MSRB3: variants seen among roughly 807,000 people sequenced by gnomAD.
MSRB3 encodes the protein methionine sulfoxide reductase B3.
A neutral mutation model predicts 21.0 loss-of-function variants in MSRB3; 13 were observed. That is an observed-to-expected ratio of 0.62 (90% confidence interval 0.40 to 0.98). The LOEUF is 0.98. Ranked by LOEUF, MSRB3 falls within the 50% of genes least tolerant of loss-of-function variation. The pLI, the probability that MSRB3 is intolerant of heterozygous loss-of-function variation, is 0.00. For missense variants in MSRB3, 199 were observed against 230.3 expected (o/e 0.86, Z 0.88); for synonymous variants, 87 against 88.6 (o/e 0.98, Z 0.10).
At chr12:65,349,015 G>A (rs983384459) in intron 4 of MSRB3, among the ~76,000 whole-genome samples, 5 of 151,878 alleles carry the variant, frequency 3.3e-5, no homozygotes, top group Non-Finnish European at 5.9e-5. Flanking sequence ...CCACTAACTC[G>A]TCATCTAGCA....
intron 4 of MSRB3, among the ~76,000 whole-genome samples, chr12:65,329,170 G>T (rs1875248081): frequency 6.6e-6 from 1 of 152,182 alleles, no homozygotes; most frequent in Non-Finnish European, 1.5e-5. Flanking sequence ...AAAACAGGCA[G>T]CACACTGGAC....
At chr12:65,308,678 A>T (rs768610003) in intron 2 of MSRB3, 23 bp downstream of exon 2, 2 of 1,613,722 alleles carry the variant, frequency 1.2e-6, no homozygotes, top group Non-Finnish European at 1.7e-6. Flanking sequence ...TGTACTGTAC[A>T]TAGTGAAGGC....
chr12:65,435,054 G>A (rs984894942), intron 5 of MSRB3, among the ~76,000 whole-genome samples: 4 of 151,802 alleles, frequency 2.6e-5, no homozygotes, highest in South Asian at 2.1e-4. Context: ...TAGACTCCAC[G>A]GCACTTAATG....
intron 5 of MSRB3, among the ~76,000 whole-genome samples, chr12:65,380,879 T>A: frequency 6.6e-6 from 1 of 152,166 alleles, no homozygotes; most frequent in East Asian, 1.9e-4. Context: ...TATAAAAACC[T>A]ATAATATGAG....
chr12:65,344,304 T>C (rs1876340320), intron 4 of MSRB3: 1 of 152,016 alleles, frequency 6.6e-6, no homozygotes, highest in South Asian at 2.1e-4. Context: ...ATTGGTCATA[T>C]TCTGGGTCAG....
At chr12:65,428,770 C>T (rs1365811790) in intron 5 of MSRB3, among the ~76,000 whole-genome samples, 1 of 152,164 alleles carries the variant, frequency 6.6e-6, no homozygotes, top group Non-Finnish European at 1.5e-5. Flanking sequence ...CTACTTCCCA[C>T]CCCCATCTTT....
At chr12:65,416,064 A>T (rs970905861) in intron 5 of MSRB3, among the ~76,000 whole-genome samples, 1 of 152,212 alleles carries the variant, frequency 6.6e-6, no homozygotes, top group African/African-American at 2.4e-5. Context: ...AAGTGAGTCA[A>T]CAGTTACAGA....
intron 5 of MSRB3, among the ~76,000 whole-genome samples, chr12:65,415,759 A>T (rs181009395): frequency 6.6e-6 from 1 of 152,176 alleles, no homozygotes; most frequent in Non-Finnish European, 1.5e-5. Flanking sequence ...CAAAAATTAG[A>T]CTGAAAGAAA....
chr12:65,361,383 T>G (rs1877694890), intron 4 of MSRB3, among the ~76,000 whole-genome samples: 1 of 152,104 alleles, frequency 6.6e-6, no homozygotes, highest in Non-Finnish European at 1.5e-5. Flanking sequence ...GTTCTGTTTG[T>G]CTCTGTTGGC....
intron 5 of MSRB3, among the ~76,000 whole-genome samples, chr12:65,385,711 A>G (rs2136566802): frequency 6.6e-6 from 1 of 152,068 alleles, no homozygotes; most frequent in Admixed American, 6.5e-5. Context: ...ATTAATTTTT[A>G]ATTGCTTACA....
At chr12:65,347,321 C>T (rs1385724970) in intron 4 of MSRB3, among the ~76,000 whole-genome samples, 1 of 151,990 alleles carries the variant, frequency 6.6e-6, no homozygotes, top group Non-Finnish European at 1.5e-5. Flanking sequence ...AGTTGGATTC[C>T]TAGGTATTTT....
At chr12:65,331,970 A>G (rs563605182) in intron 4 of MSRB3, among the ~76,000 whole-genome samples, 1 of 152,348 alleles carries the variant, frequency 6.6e-6, no homozygotes, top group South Asian at 2.1e-4. Context: ...TCCTGAAACC[A>G]GAAAGGAAAG....
chr12:65,398,554 G>A (rs928448661), intron 5 of MSRB3, among the ~76,000 whole-genome samples: 1 of 152,086 alleles, frequency 6.6e-6, no homozygotes, highest in African/African-American at 2.4e-5. Context: ...CCATTCTGTA[G>A]GTTGCCTGTT....
intron 5 of MSRB3, among the ~76,000 whole-genome samples, chr12:65,391,223 C>G (rs1484580442): frequency 6.6e-6 from 1 of 152,126 alleles, no homozygotes; most frequent in Admixed American, 6.5e-5. Context: ...CAACCTGAAA[C>G]AAGGGAACCA....
intron 5 of MSRB3, among the ~76,000 whole-genome samples, chr12:65,435,832 C>T (rs1311830266): frequency 2.0e-5 from 3 of 151,778 alleles, no homozygotes; most frequent in African/African-American, 7.2e-5. Flanking sequence ...GGTCTGTGAA[C>T]CCTGAAGCTT....
At position 65,278,812 on chromosome 12, in the gene MSRB3, T is replaced by C; in HGVS notation, c.-105T>C. On this transcript the variant is annotated 5_prime_UTR_variant, in exon 1 of 7. Coordinates refer to ENST00000308259, the MANE Select transcript of MSRB3 (RefSeq NM_001031679.3). ...CTCCCGCGCCCCCTCTCGCTCTGCCTCTCCCTCTGCCTCTGCCTCTGCCTG... is the reference window on the plus strand; with the variant it reads ...CTCCCGCGCCCCCTCTCGCTCTGCCCCTCCCTCTGCCTCTGCCTCTGCCTG... 6.4e-7 allele frequency: 1 copy of C among 1,570,912 alleles called. No homozygotes were observed. The highest frequency in any genetic ancestry group is 8.6e-7 in the Non-Finnish European group (1 of 1,158,402).
At chr12:65,279,605 A>G (rs796197394) in intron 1 of MSRB3, 5 of 152,384 alleles carry the variant, frequency 3.3e-5, no homozygotes, top group African/African-American at 1.2e-4. Flanking sequence ...GTCAAACTAT[A>G]TGAATGAAAA....
chr12:65,362,953 T>C (rs1421363869), intron 4 of MSRB3, among the ~76,000 whole-genome samples: 2 of 152,204 alleles, frequency 1.3e-5, no homozygotes, highest in Non-Finnish European at 2.9e-5. Context: ...GCTGAAATAC[T>C]GGAATTTCTG....
rs914988949 is a variant in MSRB3, at chr12:65,464,766, G to C, written c.*1444G>C. 1 of 152,264 alleles carries C rather than the reference G, an allele frequency of 6.6e-6. No homozygotes were observed. The highest frequency in any genetic ancestry group is 1.5e-5 in the Non-Finnish European group (1 of 68,086). The allele number at this position is 152,264 out of a possible 1,614,324, so 9.4% of individuals were successfully genotyped here. A position where few individuals can be genotyped will look rare whatever the true frequency, so the allele number is the denominator to read the frequency against. ...AGTACAAGTAACAAACAGAATCCAA[G>C]TGGGGTGGCCCTTGTGCACAGAGCT... On this transcript the variant is annotated 3_prime_UTR_variant, in exon 7 of 7. Coordinates refer to ENST00000308259, the MANE Select transcript of MSRB3 (RefSeq NM_001031679.3).
Sources: gnomAD v4.1 joint callset for allele counts (sites outside exome capture counted in the v4.1 genomes callset) on GRCh38, gnomAD v4.1.1 for gene constraint, MANE v1.5 for transcripts, NCBI Gene and HGNC (gene_info 2026-07-23, HGNC 2026-07-21) for gene names.